LRP1B: variants seen among roughly 807,000 people sequenced by gnomAD.
LRP1B encodes the protein low-density lipoprotein receptor-related protein 1B.
LRP1B carries 217 observed loss-of-function variants against 556.6 expected under a neutral mutation model. The ratio of observed to expected loss-of-function variants is 0.39; its 90% CI spans 0.35 to 0.44. LRP1B has a LOEUF of 0.44. Ranked by LOEUF, LRP1B falls within the 20% of genes least tolerant of loss-of-function variation. The probability of loss-of-function intolerance (pLI) is 1.00; values close to 1 mark genes in which losing one functional copy is unlikely to be tolerated. For missense variants in LRP1B, 5,053 were observed against 5,620.8 expected (o/e 0.90, Z 3.23); for synonymous variants, 2,047 against 1,865.8 (o/e 1.10, Z -2.50).
chr2:141,048,919 C>T (rs1698957296), intron 11 of LRP1B, 67 bp downstream of exon 11: 2 of 1,233,284 alleles, frequency 1.6e-6, no homozygotes, highest in Admixed American at 1.7e-5. Flanking sequence ...CTGACACACA[C>T]TGGATTTATC....
intron 2 of LRP1B, among the ~76,000 whole-genome samples, chr2:141,711,184 C>A (rs976944377): frequency 6.6e-6 from 1 of 152,100 alleles, no homozygotes; most frequent in Non-Finnish European, 1.5e-5. Flanking sequence ...ACTTGAAACT[C>A]CTTATGGGTG....
At chr2:141,156,966 CAGAGGACTCTTGTTCT>C (rs1702082939) in intron 7 of LRP1B, among the ~76,000 whole-genome samples, 1 of 151,942 alleles carries the variant, frequency 6.6e-6, no homozygotes, top group African/African-American at 2.4e-5. Flanking sequence ...TCCTTTAGCC[CAGAGGACTCTTGTTCT>C]AGATCTCAAC....
intron 7 of LRP1B, among the ~76,000 whole-genome samples, chr2:141,112,445 T>C (rs1286480707): frequency 6.6e-6 from 1 of 152,152 alleles, no homozygotes; most frequent in Non-Finnish European, 1.5e-5. Context: ...TGAGGTGCTG[T>C]CTAATGTTCC....
At chr2:141,944,229 A>G (rs1429995834) in intron 1 of LRP1B, among the ~76,000 whole-genome samples, 1 of 152,182 alleles carries the variant, frequency 6.6e-6, no homozygotes, top group East Asian at 1.9e-4. Context: ...ATAGATGGTG[A>G]TGATACACAC....
intron 74 of LRP1B, among the ~76,000 whole-genome samples, chr2:140,357,365 T>C (rs558932512): frequency 6.6e-6 from 1 of 151,772 alleles, no homozygotes; most frequent in East Asian, 1.9e-4. Context: ...AGGAAAGTTT[T>C]AGATGCATAA....
At chr2:140,775,832 G>A (rs1689474198) in intron 33 of LRP1B, among the ~76,000 whole-genome samples, 1 of 151,918 alleles carries the variant, frequency 6.6e-6, no homozygotes, top group Non-Finnish European at 1.5e-5. Flanking sequence ...TCTTATTCTT[G>A]TATTTTTTTA....
chr2:141,129,147 T>C (rs1173703803), intron 7 of LRP1B, among the ~76,000 whole-genome samples: 2 of 152,072 alleles, frequency 1.3e-5, no homozygotes, highest in Non-Finnish European at 2.9e-5. Flanking sequence ...AAAAACAAAA[T>C]TAGCCACAAT....
chr2:140,896,051 C>G (rs919644010), intron 23 of LRP1B, among the ~76,000 whole-genome samples: 1 of 152,056 alleles, frequency 6.6e-6, no homozygotes, highest in Non-Finnish European at 1.5e-5. Context: ...GGGTGGGGAC[C>G]TCACGGGGAA....
At chr2:141,772,112 CT>C (rs1195562754) in intron 2 of LRP1B, among the ~76,000 whole-genome samples, 1 of 152,036 alleles carries the variant, frequency 6.6e-6, no homozygotes, top group Non-Finnish European at 1.5e-5. Flanking sequence ...GGCCGATGAT[CT>C]CTCTTTCTAC....
intron 3 of LRP1B, among the ~76,000 whole-genome samples, chr2:141,329,821 T>C (rs1687575429): frequency 6.6e-6 from 1 of 152,066 alleles, no homozygotes; most frequent in South Asian, 2.1e-4. Context: ...TTAAAGTATT[T>C]TATTAGAAAA....
intron 2 of LRP1B, among the ~76,000 whole-genome samples, chr2:141,557,091 C>T (rs897460902): frequency 2.6e-5 from 4 of 151,560 alleles, no homozygotes; most frequent in Non-Finnish European, 5.9e-5. Context: ...TAAATACACA[C>T]GGTAAAAGGG....
At chr2:140,467,029 G>T (rs1249063808) in intron 60 of LRP1B, among the ~76,000 whole-genome samples, 2 of 152,086 alleles carry the variant, frequency 1.3e-5, no homozygotes, top group Non-Finnish European at 2.9e-5. Context: ...AATGGAAAAT[G>T]AAATCTCTAA....
intron 1 of LRP1B, among the ~76,000 whole-genome samples, chr2:141,857,528 G>A (rs10185027): frequency 0.31 from 47,509 of 151,432 alleles, 8,586 homozygotes; most frequent in Middle Eastern, 0.46. Context: ...GTAGACATGG[G>A]GTCTCAACAT....
chr2:140,841,233 A>T (rs1692095745), intron 29 of LRP1B, 141 bp from the exon 30 acceptor site: 1 of 567,978 alleles, frequency 1.8e-6, no homozygotes, highest in Non-Finnish European at 3.0e-6. Flanking sequence ...TTGTAATCTC[A>T]TTCCCTTATC....
intron 7 of LRP1B, among the ~76,000 whole-genome samples, chr2:141,088,973 G>A (rs1700111938): frequency 6.6e-6 from 1 of 152,080 alleles, no homozygotes. Flanking sequence ...AGTCATACAT[G>A]TTATATCTTT....
chr2:141,757,932 T>C (rs2105585596), intron 2 of LRP1B, among the ~76,000 whole-genome samples: 1 of 152,240 alleles, frequency 6.6e-6, no homozygotes, highest in African/African-American at 2.4e-5. Flanking sequence ...ACAGCAGAAA[T>C]AACAATGGTG....
intron 66 of LRP1B, among the ~76,000 whole-genome samples, chr2:140,403,733 C>A (rs1684607370): frequency 2.6e-5 from 4 of 152,172 alleles, no homozygotes; most frequent in Middle Eastern, 3.4e-3. Flanking sequence ...ATTTCCCTGG[C>A]CTTGCTAGAG....
intron 1 of LRP1B, among the ~76,000 whole-genome samples, chr2:142,084,065 C>T (rs894940458): frequency 5.9e-5 from 9 of 151,706 alleles, no homozygotes; most frequent in Middle Eastern, 3.4e-3. Context: ...CTGCAACCTC[C>T]GCCTCCTGGA....
chr2:141,812,430 C>T (rs577389976), intron 1 of LRP1B, among the ~76,000 whole-genome samples: 6 of 152,128 alleles, frequency 3.9e-5, no homozygotes, highest in African/African-American at 4.8e-5. Context: ...GTTTGATCTA[C>T]GGTCTTGAAA....
Sources: allele counts gnomAD v4.1 joint callset (sites outside exome capture counted in the v4.1 genomes callset), GRCh38; gene constraint gnomAD v4.1.1; transcripts MANE v1.5; gene names NCBI Gene and HGNC (gene_info 2026-07-23, HGNC 2026-07-21).